Variants in PTPRT observed in about 807,000 individuals in gnomAD.
PTPRT encodes the protein protein tyrosine phosphatase receptor type T.
Under a neutral mutation model 176.8 loss-of-function variants are expected in PTPRT, and 56 were observed. That is an observed-to-expected ratio of 0.32 (90% CI 0.26 to 0.40). The LOEUF (loss-of-function observed/expected upper bound fraction) is 0.40. Among genes scored for constraint, PTPRT ranks in the 10% least tolerant of loss-of-function variants. The pLI is 1.00. For synonymous variants in PTPRT, 783 were observed against 739.0 expected (o/e 1.06, Z -0.96); for missense variants, 1,540 against 1,908.2 (o/e 0.81, Z 3.60).
intron 6 of PTPRT, among the ~76,000 whole-genome samples, chr20:42,706,034 C>T (rs938327477): frequency 6.6e-6 from 1 of 151,892 alleles, no homozygotes; most frequent in African/African-American, 2.4e-5. Context: ...AACAGGTTTC[C>T]CAAGCTCCTC....
chr20:42,380,985 AT>A (rs1007103058), intron 9 of PTPRT, among the ~76,000 whole-genome samples: 23 of 152,158 alleles, frequency 1.5e-4, no homozygotes, highest in Non-Finnish European at 2.8e-4. Context: ...GAGCAGGCAC[AT>A]TTCACATGGT....
intron 1 of PTPRT, among the ~76,000 whole-genome samples, chr20:43,022,429 A>G (rs2146179399): frequency 6.6e-6 from 1 of 152,356 alleles, no homozygotes. Context: ...CCAGAGAGCT[A>G]GATACTGAGT....
intron 9 of PTPRT, among the ~76,000 whole-genome samples, chr20:42,424,106 G>A (rs2059142694): frequency 6.6e-6 from 1 of 152,196 alleles, no homozygotes; most frequent in African/African-American, 2.4e-5. Flanking sequence ...AAATGCTCTT[G>A]AGATGCTGAT....
At chr20:42,979,817 T>A (rs1983166648) in intron 1 of PTPRT, among the ~76,000 whole-genome samples, 1 of 151,912 alleles carries the variant, frequency 6.6e-6, no homozygotes, top group African/African-American at 2.4e-5. Context: ...TAGAGTCAGG[T>A]AGGTTTTGTC....
chr20:42,487,757 C>T (rs1456626229), intron 7 of PTPRT, among the ~76,000 whole-genome samples: 1 of 152,134 alleles, frequency 6.6e-6, no homozygotes, highest in African/African-American at 2.4e-5. Flanking sequence ...GACTTCTGAC[C>T]TCCAGAACAA....
chr20:42,904,981 C>G (rs2145922909), intron 1 of PTPRT, among the ~76,000 whole-genome samples: 1 of 152,304 alleles, frequency 6.6e-6, no homozygotes, highest in African/African-American at 2.4e-5. Context: ...AAAACCTAGG[C>G]AATACCATTC....
Position 42,084,092 on chromosome 20 carries a change from C to T in PTPRT, c.4136+590G>A, listed in dbSNP as rs546655712. Among the ~76,000 whole-genome samples, 9 of 152,356 alleles carry T rather than the reference C, an allele frequency of 5.9e-5. No homozygotes were observed. The East Asian group carries it at 1.5e-3, about 26-fold the overall frequency. ...TAATTCCACATACCCAATGAACAGA[C>T]GAGGAAACTCAGGCTTATAAAATTC... is the stretch of plus-strand genomic sequence containing the variant. On this transcript the variant is annotated intron_variant, in intron 29 of 30. Transcript: ENST00000373187.
chr20:42,960,916 AGGAAG>A (rs1981949787), intron 1 of PTPRT, among the ~76,000 whole-genome samples: 1 of 152,240 alleles, frequency 6.6e-6, no homozygotes, highest in East Asian at 1.9e-4. Context: ...TATGGGGCCT[AGGAAG>A]ATATTTTGTA....
chr20:42,310,716 A>G (rs529515698), intron 12 of PTPRT, among the ~76,000 whole-genome samples: 1 of 152,294 alleles, frequency 6.6e-6, no homozygotes, highest in African/African-American at 2.4e-5. Flanking sequence ...GCTATATCCA[A>G]AACAAATGGT....
intron 6 of PTPRT, among the ~76,000 whole-genome samples, chr20:42,722,737 C>A (rs1216872083): frequency 1.3e-5 from 2 of 152,216 alleles, no homozygotes; most frequent in Non-Finnish European, 2.9e-5. Flanking sequence ...ACATGCAGCT[C>A]ACGTGGCCAA....
At chr20:42,736,119 T>C (rs2076536025) in intron 6 of PTPRT, among the ~76,000 whole-genome samples, 1 of 152,140 alleles carries the variant, frequency 6.6e-6, no homozygotes. Flanking sequence ...CTTCGAACAA[T>C]TATAGTCTAG....
chr20:42,988,997 A>AT (rs1983748488), intron 1 of PTPRT, among the ~76,000 whole-genome samples: 2 of 152,366 alleles, frequency 1.3e-5, no homozygotes, highest in South Asian at 4.1e-4. Context: ...ATCCTTTATC[A>AT]TAAGGTCTCA....
At chr20:42,101,850 G>C (rs1427694224) in intron 26 of PTPRT, among the ~76,000 whole-genome samples, 1 of 152,208 alleles carries the variant, frequency 6.6e-6, no homozygotes, top group African/African-American at 2.4e-5. Flanking sequence ...TTGCTAGGCA[G>C]GCCTGTAGAC....
the PTPRT span, among the ~76,000 whole-genome samples, chr20:42,049,107 A>G: frequency 2.0e-5 from 3 of 152,142 alleles, no homozygotes; most frequent in African/African-American, 7.2e-5. Flanking sequence ...GGCGCATACC[A>G]CTGCCACTAA....
In PTPRT at chr20:42,892,487, T is replaced by TA. The variant is rs76007946; in HGVS notation, c.89-6556dup. Among the ~76,000 whole-genome samples, 644 of 131,844 alleles carry TA rather than the reference T, an allele frequency of 4.9e-3. 9 individuals carry two copies. Among genetic ancestry groups the TA allele is most frequent in the Middle Eastern group, 0.015 (4 of 268 alleles). 86.5% of individuals were successfully genotyped at this position (131,844 alleles called of 152,430 possible). On this transcript the variant is annotated intron_variant, in intron 1 of 30. Transcript: ENST00000373187. ...TTTAATATCCAGCAGTGGAGCTAAG[T>TA]AAAAAAAAAAAAAAGAAAACTGGGC...
chr20:42,751,773 G>C (rs956370922), intron 6 of PTPRT, among the ~76,000 whole-genome samples: 1 of 152,000 alleles, frequency 6.6e-6, no homozygotes, highest in Admixed American at 6.6e-5. Context: ...AGGGGCTCTC[G>C]GGCCTTTGGC....
intron 16 of PTPRT, among the ~76,000 whole-genome samples, chr20:42,195,567 T>A (rs1991181342): frequency 6.6e-6 from 1 of 151,952 alleles, no homozygotes; most frequent in Non-Finnish European, 1.5e-5. Context: ...ATCCTGAGAG[T>A]GTTTTTGTAG....
intron 1 of PTPRT, among the ~76,000 whole-genome samples, chr20:43,098,930 T>G (rs1035071996): frequency 2.0e-5 from 3 of 152,184 alleles, no homozygotes; most frequent in African/African-American, 7.2e-5. Flanking sequence ...CAGGTATTTC[T>G]CTTGCCGCCC....
chr20:42,540,574 A>T (rs1246873667), intron 7 of PTPRT, among the ~76,000 whole-genome samples: 2 of 152,148 alleles, frequency 1.3e-5, no homozygotes, highest in Non-Finnish European at 2.9e-5. Context: ...AGCTTTCTGT[A>T]GGAGGATGAA....
Sources: allele counts gnomAD v4.1 joint callset (sites outside exome capture counted in the v4.1 genomes callset), GRCh38; gene constraint gnomAD v4.1.1; transcripts MANE v1.5; gene names NCBI Gene and HGNC (gene_info 2026-07-23, HGNC 2026-07-21).